The following TBC1D16 variants were observed in gnomAD, a reference collection of about 807,000 sequenced individuals.
The protein encoded by TBC1D16 is TBC1 domain family member 16, also known as CTD-2529O21.1.
A neutral mutation model predicts 74.7 loss-of-function variants in TBC1D16; 58 were observed. The observed-to-expected ratio is 0.78, with a 90% CI of 0.63 to 0.97. The LOEUF is 0.97. Among genes scored for constraint, TBC1D16 ranks in the 50% least tolerant of loss-of-function variants. The probability of loss-of-function intolerance (pLI) is 0.00; values close to 1 mark genes in which losing one functional copy is unlikely to be tolerated. For synonymous variants in TBC1D16, 493 were observed against 474.7 expected, an observed-to-expected ratio of 1.04 and a Z score of -0.50; for missense variants, 1,014 against 1,079.5, an observed-to-expected ratio of 0.94 and a Z score of 0.85.
In TBC1D16 at chr17:80,035,527, C is replaced by A. The variant is rs1308323984; in HGVS notation, c.-63+268G>T. 6.6e-6 allele frequency among the ~76,000 whole-genome samples: 1 copy of A among 152,086 alleles called. No individual in the cohort carries two copies. The highest frequency in any genetic ancestry group is 1.5e-5 in the Non-Finnish European group (1 of 68,006). ...CTCCCCGAATTAGGCCCATTCCGGG[C>A]CCGGGCGCCCTCACTCGCCGCGGGG... On this transcript the variant is annotated intron_variant, in intron 1 of 11. Transcript: ENST00000310924. The surrounding 1 kb of genome is among the most constrained non-coding windows in gnomAD (Gnocchi z 5.3).
intron 1 of TBC1D16, among the ~76,000 whole-genome samples, chr17:80,026,399 T>C (rs2036583566): frequency 6.7e-6 from 1 of 150,038 alleles, no homozygotes; most frequent in Non-Finnish European, 1.5e-5. Flanking sequence ...CACTCCAGCC[T>C]GGGTGACAGA....
Position 80,010,558 on chromosome 17 carries a change from C to T in TBC1D16, c.381G>A (p.Pro127=), listed in dbSNP as rs200572295. ...GGGTCAGGGTAGGCCGCAGCTCCGT[C>T]GGGGAGGGCTGGTGGGAGGCTCCTG... ...RSSGASHQPS[P]TELRPTLTPK... Residue 127 remains proline, a synonymous_variant, in exon 3 of 12, where the codon CCG becomes CCA. Transcript: ENST00000310924. The surrounding 1 kb of genome is among the most constrained non-coding windows in gnomAD (Gnocchi z 8.8). 3.1e-6 allele frequency: 5 copies of T among 1,605,178 alleles called. No homozygotes were observed. Among genetic ancestry groups the T allele is most frequent in the Admixed American group, 3.5e-5 (2 of 57,880 alleles).
chr17:79,968,510 A>AG (rs1197399403), intron 3 of TBC1D16, among the ~76,000 whole-genome samples: 1 of 152,218 alleles, frequency 6.6e-6, no homozygotes, highest in Non-Finnish European at 1.5e-5. Flanking sequence ...AATCAACCAA[A>AG]GAAAAAAATA....
chr17:80,004,219 T>A (rs939293935), intron 3 of TBC1D16, among the ~76,000 whole-genome samples: 1 of 152,268 alleles, frequency 6.6e-6, no homozygotes, highest in Non-Finnish European at 1.5e-5. Context: ...CTGTCTGCCC[T>A]GGCAGAAGCT....
chr17:80,033,496 C>T (rs1483178150), intron 1 of TBC1D16, among the ~76,000 whole-genome samples: 1 of 152,014 alleles, frequency 6.6e-6, no homozygotes, highest in African/African-American at 2.4e-5. Flanking sequence ...CCTCAGCCAC[C>T]CAAATAGCTG....
At chr17:79,984,426 G>A (rs915492816) in intron 3 of TBC1D16, among the ~76,000 whole-genome samples, 3 of 152,216 alleles carry the variant, frequency 2.0e-5, no homozygotes. Flanking sequence ...TAAACACAAG[G>A]CTGAAGGAAA....
intron 9 of TBC1D16, 50 bp downstream of exon 9, chr17:79,947,595 A>C: frequency 6.3e-7 from 1 of 1,592,908 alleles, no homozygotes; most frequent in South Asian, 1.1e-5. Context: ...CGGGAGAGGC[A>C]ACACGGGCCC....
At chr17:79,992,561 C>T (rs2035110471) in intron 3 of TBC1D16, among the ~76,000 whole-genome samples, 1 of 152,240 alleles carries the variant, frequency 6.6e-6, no homozygotes, top group African/African-American at 2.4e-5. Context: ...ATCCTGATGC[C>T]TTTACAATCT....
rs941430352 is a variant in TBC1D16 at position 79,981,009 on chromosome 17, T to C, written c.780-28191A>G. Reference sequence around the variant, plus strand: ...AACCCCAAAGGGCAAACAGTCATGATACCAATCACCAACATCCTTTGATAA... The same window carrying C: ...AACCCCAAAGGGCAAACAGTCATGACACCAATCACCAACATCCTTTGATAA... On this transcript the variant is annotated intron_variant, in intron 3 of 11. Transcript: ENST00000310924. This position sits in a 1 kb window ranked among gnomAD's most constrained non-coding sequence, Gnocchi z 6.9. 1.3e-5 allele frequency among the ~76,000 whole-genome samples: 2 copies of C among 152,252 alleles called. No individual in the cohort carries two copies. The highest frequency in any genetic ancestry group is 4.8e-5 in the African/African-American group (2 of 41,472).
In TBC1D16 at chr17:79,975,982, G is replaced by A. The variant is rs367810378; in HGVS notation, c.780-23164C>T. ...TCCCCAGGCAACGGAGCCAGTCAGG[G>A]CATGGGGACGCCAGGCAGCAGTGTC... is the stretch of plus-strand genomic sequence containing the variant. On this transcript the variant is annotated intron_variant, in intron 3 of 11. Coordinates refer to ENST00000310924, the MANE Select transcript of TBC1D16 (RefSeq NM_019020.4). The surrounding 1 kb of genome is among the most constrained non-coding windows in gnomAD (Gnocchi z 4.5). 1.3e-5 allele frequency among the ~76,000 whole-genome samples: 2 copies of A among 152,214 alleles called. No individual in the cohort carries two copies. The highest frequency in any genetic ancestry group is 2.9e-5 in the Non-Finnish European group (2 of 68,042).
Position 79,932,442 on chromosome 17 carries a change from C to A in TBC1D16, c.*8417G>T, listed in dbSNP as rs1351215498. On this transcript the variant is annotated 3_prime_UTR_variant, in exon 12 of 12. Coordinates refer to ENST00000310924, the MANE Select transcript of TBC1D16 (RefSeq NM_019020.4). ...TTTTCCTTCTGCCCAGAATCCTCTG[C>A]CCGGTCCCCTGTAGCTAGTGTCCAG... The A allele has an allele frequency of 6.6e-6, 1 of 152,282 alleles. No individual in the cohort carries two copies. The highest frequency in any genetic ancestry group is 6.5e-5 in the Admixed American group (1 of 15,284). The allele number at this position is 152,282 out of a possible 1,614,324, so 9.4% of individuals were successfully genotyped here.
In TBC1D16 at chr17:79,942,657, T is replaced by G. The variant is rs117666226; in HGVS notation, c.1909-451A>C. ...GGTCAGAACTCACTCCAGCGGGTCA[T>G]GGAATGCGCCTCTGGCAGCCACCCA... On this transcript the variant is annotated intron_variant, in intron 10 of 11. Transcript: ENST00000310924. Among the ~76,000 whole-genome samples, 81 of 152,260 alleles carry G rather than the reference T, an allele frequency of 5.3e-4. 2 individuals carry two copies. In the East Asian group the frequency reaches 0.013, roughly 25 times the overall value.
At chr17:79,942,578 C>T (rs1289904641) in intron 10 of TBC1D16, among the ~76,000 whole-genome samples, 2 of 151,534 alleles carry the variant, frequency 1.3e-5, no homozygotes, top group Admixed American at 6.6e-5. Flanking sequence ...GGCCTGTGCT[C>T]ATGGGGAGGA....
At chr17:80,013,287 G>A in intron 2 of TBC1D16, 80 bp downstream of exon 2, 2 of 1,363,278 alleles carry the variant, frequency 1.5e-6, no homozygotes, top group African/African-American at 1.5e-5. Context: ...CTCACGTGCT[G>A]TGGCCCAGGG....
chr17:80,013,263 G>A, intron 2 of TBC1D16, 104 bp downstream of exon 2: 1 of 1,125,568 alleles, frequency 8.9e-7, no homozygotes, highest in Non-Finnish European at 1.2e-6. Context: ...TCTGGAAGAG[G>A]AACCAAATGC....
rs529966358 is a variant in TBC1D16 at position 79,961,878 on chromosome 17, A to T, written c.780-9060T>A. The stretch of plus-strand genomic sequence containing the variant: ...AACTCCATCTCAAAAAAATAAAAAT[A>T]AAAATAATAAAATAAAATAGATAAG... On this transcript the variant is annotated intron_variant, in intron 3 of 11. Coordinates refer to ENST00000310924, the MANE Select transcript of TBC1D16 (RefSeq NM_019020.4). The surrounding 1 kb of genome is among the most constrained non-coding windows in gnomAD (Gnocchi z 4.8). Among the ~76,000 whole-genome samples, 4 of 152,290 alleles carry T rather than the reference A, an allele frequency of 2.6e-5. No homozygotes were observed. Among genetic ancestry groups the T allele is most frequent in the Admixed American group, 6.5e-5 (1 of 15,302 alleles).
In TBC1D16 at chr17:79,986,164, C is replaced by T. The variant is rs1052913317; in HGVS notation, c.779+23996G>A. Among the ~76,000 whole-genome samples the T allele has an allele frequency of 6.6e-6, 1 of 152,176 alleles. No homozygotes were observed. The highest frequency in any genetic ancestry group is 6.5e-5 in the Admixed American group (1 of 15,288). On this transcript the variant is annotated intron_variant, in intron 3 of 11. Coordinates refer to ENST00000310924, the MANE Select transcript of TBC1D16 (RefSeq NM_019020.4). The surrounding 1 kb of genome is among the most constrained non-coding windows in gnomAD (Gnocchi z 6.0). Reference sequence around the variant, plus strand: ...AGCAGCTGCATGAATCACTGCAGTGCCAATTTCCTCGTGGTCCCAAAGTGC... The same window carrying T: ...AGCAGCTGCATGAATCACTGCAGTGTCAATTTCCTCGTGGTCCCAAAGTGC...
intron 3 of TBC1D16, among the ~76,000 whole-genome samples, chr17:79,957,132 T>C (rs1388533145): frequency 1.3e-5 from 2 of 152,048 alleles, no homozygotes; most frequent in Admixed American, 1.3e-4. Context: ...CACAGTATGC[T>C]GGGAGGGATG....
At chr17:80,018,881 G>T (rs2036189774) in intron 1 of TBC1D16, among the ~76,000 whole-genome samples, 1 of 150,164 alleles carries the variant, frequency 6.7e-6, no homozygotes, top group Non-Finnish European at 1.5e-5. Context: ...GATTACAGGC[G>T]GGAGCCACCG....
Sources: gnomAD v4.1 joint callset for allele counts (sites outside exome capture counted in the v4.1 genomes callset) on GRCh38, gnomAD v4.1.1 for gene constraint, Gnocchi (gnomAD v3.1) non-coding constraint, MANE v1.5 for transcripts, NCBI Gene and HGNC (gene_info 2026-07-23, HGNC 2026-07-21) for gene names.